ARHGEF7: variants seen among roughly 807,000 people sequenced by gnomAD.
ARHGEF7 encodes the protein PAK-interacting exchange factor beta.
ARHGEF7 carries 33 observed loss-of-function variants against 109.8 expected under a neutral mutation model. The ratio of observed to expected loss-of-function variants is 0.30; its 90% confidence interval spans 0.23 to 0.40. The LOEUF (loss-of-function observed/expected upper bound fraction) is 0.40. Among genes scored for constraint, ARHGEF7 ranks in the 10% least tolerant of loss-of-function variants. The pLI, the probability that ARHGEF7 is intolerant of heterozygous loss-of-function variation, is 1.00. For missense variants in ARHGEF7, 938 were observed against 1,098.5 expected (o/e 0.85, Z 2.07); for synonymous variants, 458 against 424.6 (o/e 1.08, Z -0.97).
chr13:111,225,518 T>G (rs1299381217), intron 5 of ARHGEF7, among the ~76,000 whole-genome samples: 3 of 151,980 alleles, frequency 2.0e-5, no homozygotes, highest in Admixed American at 6.5e-5. Flanking sequence ...TTTTGTTTTT[T>G]TTTTTTTCTC....
At chr13:111,217,593 C>A in intron 4 of ARHGEF7, 86 bp from the exon 5 acceptor site, 1 of 1,282,942 alleles carries the variant, frequency 7.8e-7, no homozygotes, top group Non-Finnish European at 1.1e-6. Context: ...ATTATGCTAC[C>A]TTTGTACTAG....
At chr13:111,215,951 T>C (rs1203660500) in intron 4 of ARHGEF7, among the ~76,000 whole-genome samples, 1 of 152,160 alleles carries the variant, frequency 6.6e-6, no homozygotes, top group Admixed American at 6.5e-5. Flanking sequence ...TTTAACTCCT[T>C]CAGAAAGTGG....
At chr13:111,155,724 A>G (rs1002166596) in intron 2 of ARHGEF7, among the ~76,000 whole-genome samples, 1 of 152,254 alleles carries the variant, frequency 6.6e-6, no homozygotes, top group South Asian at 2.1e-4. Context: ...TTGAAACTCA[A>G]TTGGCACATT....
chr13:111,115,898 C>G (rs2482469), intron 1 of ARHGEF7, among the ~76,000 whole-genome samples: 141,323 of 147,836 alleles, frequency 0.96, 67,781 homozygotes, highest in Non-Finnish European at 1. Flanking sequence ...GGCCGGGGAG[C>G]GGGGTCGGGG....
chr13:111,295,302 TGATA>T (rs1244339303), intron 19 of ARHGEF7: 15 of 663,132 alleles, frequency 2.3e-5, no homozygotes, highest in Admixed American at 1.3e-4. Context: ...GGCAGGCAGG[TGATA>T]GATAGAACCC....
chr13:111,275,797 T>C, intron 12 of ARHGEF7, 119 bp downstream of exon 12: 1 of 1,299,170 alleles, frequency 7.7e-7, no homozygotes, highest in Middle Eastern at 1.9e-4. Context: ...TATCTTATAA[T>C]TTGTGAGCTA....
chr13:111,174,566 A>T (rs930465424), intron 2 of ARHGEF7, among the ~76,000 whole-genome samples: 1 of 152,196 alleles, frequency 6.6e-6, no homozygotes, highest in East Asian at 1.9e-4. Flanking sequence ...GGGAAATGCC[A>T]TGCATTATCT....
Position 111,153,938 on chromosome 13 carries a change from C to G in ARHGEF7, c.199C>G (p.Leu67Val), listed in dbSNP as rs139490439. The G allele has an allele frequency of 1.2e-6, 2 of 1,605,794 alleles. No homozygotes were observed. Among genetic ancestry groups the G allele is most frequent in the Admixed American group, 3.4e-5 (2 of 59,698 alleles). ...YPEPRSESEC[L>V]SNIREFLRGC... ...CGAGCCCCGGAGCGAGAGCGAGTGC[C>G]TGAGCAACATCCGCGAGTTCCTGCG... Residue 67 changes from leucine to valine, a missense_variant, in exon 2 of 22, where the codon CTG becomes GTG. Coordinates refer to ENST00000646102, the MANE Select transcript of ARHGEF7 (RefSeq NM_001354046.2).
At chr13:111,197,512 G>A (rs765725921) in intron 2 of ARHGEF7, among the ~76,000 whole-genome samples, 1 of 152,126 alleles carries the variant, frequency 6.6e-6, no homozygotes, top group Non-Finnish European at 1.5e-5. Flanking sequence ...TGTTAGTATT[G>A]GGACTTTACT....
intron 2 of ARHGEF7, among the ~76,000 whole-genome samples, chr13:111,199,296 C>T (rs977540535): frequency 1.3e-5 from 2 of 152,200 alleles, no homozygotes; most frequent in Non-Finnish European, 2.9e-5. Flanking sequence ...ACATAGTGTA[C>T]TGAATGTGAA....
intron 4 of ARHGEF7, among the ~76,000 whole-genome samples, chr13:111,215,745 C>T (rs901390870): frequency 6.6e-6 from 1 of 152,218 alleles, no homozygotes; most frequent in African/African-American, 2.4e-5. Context: ...TTTCTCTTCT[C>T]TTCCCGATTA....
intron 3 of ARHGEF7, among the ~76,000 whole-genome samples, chr13:111,209,657 C>T (rs139030859): frequency 3.3e-5 from 5 of 152,172 alleles, no homozygotes; most frequent in Non-Finnish European, 7.3e-5. Flanking sequence ...TAATAGTTAT[C>T]TCCAGATAAT....
intron 19 of ARHGEF7, chr13:111,292,743 A>G: frequency 2.0e-6 from 2 of 1,014,690 alleles, no homozygotes; most frequent in Non-Finnish European, 2.4e-6. Flanking sequence ...CCTTATCTGT[A>G]GGGACCTAAA....
rs539425620 is a variant in ARHGEF7 at position 111,275,242 on chromosome 13, G to A, written c.1273-290G>A. On this transcript the variant is annotated intron_variant, in intron 11 of 21. Transcript: ENST00000646102. ...AAACCAGAATGAAAATACAGTTCTT[G>A]TCCTGTCCACATTTCTTTTTTGTAC... Among the ~76,000 whole-genome samples the A allele has an allele frequency of 3.3e-5, 5 of 152,240 alleles. No homozygotes were observed. The East Asian group carries it at 9.7e-4, about 29-fold the overall frequency.
chr13:111,199,999 C>A (rs2081025663), intron 2 of ARHGEF7, among the ~76,000 whole-genome samples: 1 of 152,210 alleles, frequency 6.6e-6, no homozygotes, highest in Admixed American at 6.5e-5. Context: ...TTGTCACCCA[C>A]TCTGTGAAGC....
intron 1 of ARHGEF7, chr13:111,144,386 CT>C (rs1284494352): frequency 1.9e-4 from 29 of 152,234 alleles, no homozygotes; most frequent in African/African-American, 5.3e-4. Context: ...GCTTACTTAT[CT>C]GGTATTTAGC....
intron 2 of ARHGEF7, among the ~76,000 whole-genome samples, chr13:111,155,622 A>G (rs1229523483): frequency 6.6e-6 from 1 of 152,156 alleles, no homozygotes; most frequent in African/African-American, 2.4e-5. Context: ...ATGCCTTGCT[A>G]GTGGCAGGTT....
rs141552869 is a variant in ARHGEF7 at position 111,204,805 on chromosome 13, A to T, written c.253-484A>T. 7.3e-3 allele frequency among the ~76,000 whole-genome samples: 1,114 copies of T among 152,060 alleles called. 7 individuals carry two copies. Among genetic ancestry groups the T allele is most frequent in the Non-Finnish European group, 0.013 (866 of 67,974 alleles). On this transcript the variant is annotated intron_variant, in intron 2 of 21. Coordinates refer to ENST00000646102, the MANE Select transcript of ARHGEF7 (RefSeq NM_001354046.2). Reference sequence around the variant, plus strand: ...CTGTCTGTCCTCCTTTTACCCTCACATCCACTCTGCTCTCTGATGTCCGCA... The same window carrying T: ...CTGTCTGTCCTCCTTTTACCCTCACTTCCACTCTGCTCTCTGATGTCCGCA...
Position 111,273,653 on chromosome 13 carries a change from C to T in ARHGEF7, c.1074-161C>T, listed in dbSNP as rs191400874. Among the ~76,000 whole-genome samples, 1 of 152,302 alleles carries T rather than the reference C, an allele frequency of 6.6e-6. No homozygotes were observed. Among genetic ancestry groups the T allele is most frequent in the East Asian group, 1.9e-4 (1 of 5,184 alleles). On this transcript the variant is annotated intron_variant, in intron 9 of 21. Coordinates refer to ENST00000646102, the MANE Select transcript of ARHGEF7 (RefSeq NM_001354046.2). This position sits in a 1 kb window ranked among gnomAD's most constrained non-coding sequence, Gnocchi z 4.5. Reference sequence around the variant, plus strand: ...GGGATGGGAGTCCCCTTTGGCATTTCCAGATAAGCAGCGCAGATTTGGGAT... The same window carrying T: ...GGGATGGGAGTCCCCTTTGGCATTTTCAGATAAGCAGCGCAGATTTGGGAT...
Sources: allele counts gnomAD v4.1 joint callset (sites outside exome capture counted in the v4.1 genomes callset), GRCh38; gene constraint gnomAD v4.1.1; non-coding constraint Gnocchi (gnomAD v3.1); transcripts MANE v1.5; gene names NCBI Gene and HGNC (gene_info 2026-07-23, HGNC 2026-07-21).